RBFOX1: variants seen among roughly 807,000 people sequenced by gnomAD.
The protein encoded by RBFOX1 is RNA binding fox-1 homolog 1, also known as RNA binding protein fox-1 homolog 1.
Under a neutral mutation model 57.7 loss-of-function variants are expected in RBFOX1, and 8 were observed. The ratio of observed to expected loss-of-function variants is 0.14; its 90% confidence interval spans 0.08 to 0.25. RBFOX1 has a LOEUF of 0.25. RBFOX1 is among the 10% of genes least tolerant of loss of function. RBFOX1 has a pLI of 1.00. For synonymous variants in RBFOX1, 326 were observed against 222.4 expected (o/e 1.47, Z -4.15); for missense variants, 611 against 548.5 (o/e 1.11, Z -1.14).
At chr16:6,947,850 C>T (rs746028283) in intron 3 of RBFOX1, among the ~76,000 whole-genome samples, 8 of 152,160 alleles carry the variant, frequency 5.3e-5, no homozygotes, top group South Asian at 2.1e-4. Flanking sequence ...AATCTTGGCT[C>T]ACTGCAAAGT....
chr16:7,190,026 A>G (rs1048727530), intron 4 of RBFOX1, among the ~76,000 whole-genome samples: 1 of 152,222 alleles, frequency 6.6e-6, no homozygotes, highest in Non-Finnish European at 1.5e-5. Context: ...AAGAAATGGA[A>G]AACCATGATT....
Position 6,683,421 on chromosome 16 carries a change from A to C in RBFOX1, c.-16+28771A>C, listed in dbSNP as rs562702156. 7.2e-5 allele frequency among the ~76,000 whole-genome samples: 11 copies of C among 152,314 alleles called. No individual in the cohort carries two copies. The South Asian group carries it at 2.3e-3, about 32-fold the overall frequency. ...TTTATTAGGAGATGCATGCTAATGT[A>C]TTTGGGGAGGATATATCTATGTCTT... On this transcript the variant is annotated intron_variant, in intron 3 of 15. Transcript: ENST00000550418.
chr16:7,012,500 T>C (rs937131834), intron 3 of RBFOX1, among the ~76,000 whole-genome samples: 2 of 152,332 alleles, frequency 1.3e-5, no homozygotes, highest in African/African-American at 4.8e-5. Flanking sequence ...TGTTAATAAC[T>C]GCCTGGAACA....
chr16:7,021,330 A>G (rs1315741437), intron 3 of RBFOX1, among the ~76,000 whole-genome samples: 1 of 147,872 alleles, frequency 6.8e-6, no homozygotes, highest in Non-Finnish European at 1.5e-5. Flanking sequence ...ACTTTTTAAT[A>G]TTTAAAAACA....
chr16:6,836,663 C>G (rs1457968656), intron 3 of RBFOX1, among the ~76,000 whole-genome samples: 1 of 152,130 alleles, frequency 6.6e-6, no homozygotes, highest in Non-Finnish European at 1.5e-5. Context: ...GGTGACAGTT[C>G]CTTTCTTATG....
At chr16:6,297,761 G>A (rs1012379842) in intron 1 of RBFOX1, among the ~76,000 whole-genome samples, 1 of 152,092 alleles carries the variant, frequency 6.6e-6, no homozygotes, top group African/African-American at 2.4e-5. Context: ...TGGCAGAATG[G>A]CATGGCAGAA....
intron 1 of RBFOX1, among the ~76,000 whole-genome samples, chr16:5,344,197 T>G (rs1277474245): frequency 6.6e-6 from 1 of 152,240 alleles, no homozygotes; most frequent in Non-Finnish European, 1.5e-5. Flanking sequence ...TCTGCAAATG[T>G]CTGCTGCTGT....
intron 2 of RBFOX1, among the ~76,000 whole-genome samples, chr16:6,329,917 G>A (rs117524497): frequency 0.014 from 2,081 of 152,276 alleles, 19 homozygotes; most frequent in Non-Finnish European, 0.024. Flanking sequence ...CAGCCTGGGT[G>A]ACAGAAGTGA....
At chr16:7,551,697 G>C (rs2086594395) in intron 5 of RBFOX1, among the ~76,000 whole-genome samples, 1 of 152,162 alleles carries the variant, frequency 6.6e-6, no homozygotes, top group South Asian at 2.1e-4. Flanking sequence ...GAAGCTGCTG[G>C]AATAGGCTGC....
intron 3 of RBFOX1, among the ~76,000 whole-genome samples, chr16:5,721,945 A>G (rs2051952461): frequency 1.3e-5 from 2 of 152,166 alleles, no homozygotes; most frequent in Non-Finnish European, 2.9e-5. Context: ...TTGAGGGGAG[A>G]AAGCTACCTG....
rs966704660 is a variant in RBFOX1 at position 7,179,558 on chromosome 16, G to T, written c.27+127460G>T. Among the ~76,000 whole-genome samples the T allele has an allele frequency of 2.0e-5, 3 of 151,716 alleles. No homozygotes were observed. The East Asian group carries it at 5.8e-4, about 29-fold the overall frequency. On this transcript the variant is annotated intron_variant, in intron 4 of 15. Coordinates refer to ENST00000550418, the MANE Select transcript of RBFOX1 (RefSeq NM_018723.4). Reference sequence around the variant, plus strand: ...TGTTAGGTGTTGGCATTTCCATTTTGTCAGACATTTTAAATTTAACGTGGA... The same window carrying T: ...TGTTAGGTGTTGGCATTTCCATTTTTTCAGACATTTTAAATTTAACGTGGA...
At chr16:5,832,110 A>T (rs1226633942) in intron 3 of RBFOX1, among the ~76,000 whole-genome samples, 1 of 152,104 alleles carries the variant, frequency 6.6e-6, no homozygotes, top group South Asian at 2.1e-4. Context: ...CTTAGGAGAG[A>T]ACTGGGAACT....
intron 4 of RBFOX1, among the ~76,000 whole-genome samples, chr16:7,053,327 C>T (rs943299240): frequency 2.0e-5 from 3 of 152,178 alleles, no homozygotes; most frequent in African/African-American, 4.8e-5. Context: ...TGCCGACATT[C>T]GTTGTGACCC....
chr16:7,577,713 G>T (rs1431953664), intron 5 of RBFOX1, among the ~76,000 whole-genome samples: 1 of 152,200 alleles, frequency 6.6e-6, no homozygotes. Flanking sequence ...AGACCAGCCT[G>T]GGCAACTTAG....
intron 1 of RBFOX1, among the ~76,000 whole-genome samples, chr16:5,271,503 G>A (rs1255111269): frequency 6.6e-6 from 1 of 152,266 alleles, no homozygotes; most frequent in Non-Finnish European, 1.5e-5. Context: ...TGAGACACTG[G>A]CTGTGAGCCT....
At chr16:6,900,475 G>A (rs2068188489) in intron 3 of RBFOX1, among the ~76,000 whole-genome samples, 1 of 152,166 alleles carries the variant, frequency 6.6e-6, no homozygotes, top group South Asian at 2.1e-4. Context: ...GTTGCTCTTA[G>A]GATGAAAGCA....
At chr16:6,826,927 T>C (rs1441955015) in intron 3 of RBFOX1, among the ~76,000 whole-genome samples, 3 of 152,190 alleles carry the variant, frequency 2.0e-5, no homozygotes, top group Admixed American at 2.0e-4. Context: ...TGTTCCATTT[T>C]TTGTGCAAAT....
At chr16:6,000,760 G>A (rs756623993) in intron 4 of RBFOX1, among the ~76,000 whole-genome samples, 2 of 150,548 alleles carry the variant, frequency 1.3e-5, no homozygotes, top group Non-Finnish European at 3.0e-5. Flanking sequence ...TGGATGAGTG[G>A]GTAGGTGGAC....
intron 4 of RBFOX1, among the ~76,000 whole-genome samples, chr16:7,344,742 A>G (rs890434966): frequency 5.9e-5 from 9 of 152,178 alleles, no homozygotes; most frequent in Non-Finnish European, 8.8e-5. Context: ...CCTCATTCTT[A>G]GGACTGGGGA....
Sources: allele counts gnomAD v4.1 joint callset (sites outside exome capture counted in the v4.1 genomes callset), GRCh38; gene constraint gnomAD v4.1.1; transcripts MANE v1.5; gene names NCBI Gene and HGNC (gene_info 2026-07-23, HGNC 2026-07-21).